Variants in CHLSN observed in about 807,000 individuals in gnomAD.
The protein encoded by CHLSN is cholesin, also known as protein cholesin.
At chr7:1,024,792 AG>A in the CHLSN span, 1 of 152,178 alleles carries the variant, frequency 6.6e-6, no homozygotes, top group Admixed American at 6.5e-5. Context: ...GAAAACAAAA[AG>A]CCCCCAGATC....
At chr7:1,008,760 G>A in the CHLSN span, among the ~76,000 whole-genome samples, 45 of 151,938 alleles carry the variant, frequency 3.0e-4, no homozygotes, top group Non-Finnish European at 4.6e-4. Flanking sequence ...AAACACACAC[G>A]TGCATAAACA....
chr7:1,092,053 G>A, the CHLSN span: 1 of 1,614,016 alleles, frequency 6.2e-7, no homozygotes, highest in Non-Finnish European at 8.5e-7. Flanking sequence ...CCTCATCCTG[G>A]TGGCCGACTC....
chr7:1,060,342 C>T, the CHLSN span, among the ~76,000 whole-genome samples: 1 of 152,220 alleles, frequency 6.6e-6, no homozygotes, highest in East Asian at 1.9e-4. Flanking sequence ...GGTGTGAGAG[C>T]TTCATGTCCA....
the CHLSN span, among the ~76,000 whole-genome samples, chr7:1,103,773 G>A: frequency 1.3e-5 from 2 of 152,088 alleles, no homozygotes; most frequent in Non-Finnish European, 2.9e-5. Context: ...CCCAGCCCCT[G>A]AGACGGGTCT....
the CHLSN span, among the ~76,000 whole-genome samples, chr7:1,029,617 AG>A: frequency 3.3e-5 from 5 of 152,224 alleles, no homozygotes; most frequent in African/African-American, 1.2e-4. Flanking sequence ...CCCAGAGCAC[AG>A]TGAGCCCGGA....
the CHLSN span, among the ~76,000 whole-genome samples, chr7:1,040,685 A>G: frequency 3.6e-4 from 16 of 44,504 alleles, no homozygotes; most frequent in African/African-American, 1.1e-3. Context: ...TAAAATTAAA[A>G]AGAACAAAAA....
At chr7:1,116,450 G>C in the CHLSN span, among the ~76,000 whole-genome samples, 3 of 115,270 alleles carry the variant, frequency 2.6e-5, 1 homozygote, top group African/African-American at 8.2e-5. Flanking sequence ...CGACGTCCAC[G>C]CAGGATGATG....
chr7:1,040,311 T>C, the CHLSN span, among the ~76,000 whole-genome samples: 1 of 151,134 alleles, frequency 6.6e-6, no homozygotes, highest in African/African-American at 2.4e-5. Flanking sequence ...GGCAACACAG[T>C]GAGACCCCCC....
At chr7:1,115,789 CCAA>C in the CHLSN span, among the ~76,000 whole-genome samples, 1 of 126,610 alleles carries the variant, frequency 7.9e-6, no homozygotes, top group African/African-American at 2.9e-5. Flanking sequence ...GCTTCCATCA[CCAA>C]CGCCCACGCA....
the CHLSN span, among the ~76,000 whole-genome samples, chr7:1,116,347 A>G: frequency 4.3e-5 from 6 of 138,820 alleles, 1 homozygote; most frequent in African/African-American, 1.7e-4. Flanking sequence ...ATGCAGGATG[A>G]TGACATCACT....
At chr7:1,044,393 C>T in the CHLSN span, among the ~76,000 whole-genome samples, 4 of 152,254 alleles carry the variant, frequency 2.6e-5, no homozygotes, top group African/African-American at 9.6e-5. Flanking sequence ...CCAGCACTGC[C>T]TCCACCGCCA....
At chr7:1,112,521 C>T in the CHLSN span, among the ~76,000 whole-genome samples, 1 of 152,272 alleles carries the variant, frequency 6.6e-6, no homozygotes, top group South Asian at 2.1e-4. Context: ...ACAGGAACAC[C>T]GTGGATGGCC....
chr7:1,057,841 T>G, the CHLSN span: 4 of 777,528 alleles, frequency 5.1e-6, no homozygotes, highest in Non-Finnish European at 9.6e-6. Context: ...CAGATCCCCT[T>G]CAATGTGTCC....
chr7:1,130,980 G>T, the CHLSN span, among the ~76,000 whole-genome samples: 1 of 152,176 alleles, frequency 6.6e-6, no homozygotes, highest in East Asian at 1.9e-4. Flanking sequence ...TTGAGCCCAG[G>T]AGTTTGAGAC....
the CHLSN span, among the ~76,000 whole-genome samples, chr7:1,105,069 T>C: frequency 6.6e-6 from 1 of 152,240 alleles, no homozygotes; most frequent in African/African-American, 2.4e-5. Context: ...ATTTTCTTAC[T>C]ATGTATCGCA....
At chr7:987,292 A>T in the CHLSN span, 2 of 1,509,870 alleles carry the variant, frequency 1.3e-6, no homozygotes, top group Admixed American at 2.0e-5. Flanking sequence ...CCCCCGGGGG[A>T]CCCCCAGGGA....
At chr7:1,073,114 C>T in the CHLSN span, among the ~76,000 whole-genome samples, 2 of 152,158 alleles carry the variant, frequency 1.3e-5, no homozygotes, top group Non-Finnish European at 2.9e-5. Flanking sequence ...GTCCTAGGCC[C>T]ACCGACCAAA....
At chr7:1,083,982 G>A in the CHLSN span, among the ~76,000 whole-genome samples, 5 of 152,378 alleles carry the variant, frequency 3.3e-5, no homozygotes, top group East Asian at 1.9e-4. Context: ...GCCGCACCAC[G>A]TCCTGACAGC....
chr7:1,017,507 G>T, the CHLSN span, among the ~76,000 whole-genome samples: 1 of 152,192 alleles, frequency 6.6e-6, no homozygotes, highest in Non-Finnish European at 1.5e-5. Flanking sequence ...CTCCAGTGTC[G>T]CTGCCATCGG....
Sources: gnomAD v4.1 joint callset for allele counts (sites outside exome capture counted in the v4.1 genomes callset) on GRCh38, gnomAD v4.1.1 for gene constraint, MANE v1.5 for transcripts, NCBI Gene and HGNC (gene_info 2026-07-23, HGNC 2026-07-21) for gene names.